The following SLC35D4 variants were observed in gnomAD, a reference collection of about 807,000 sequenced individuals.
The protein encoded by SLC35D4 is UDP-N-acetylglucosamine transporter SLC35D4.
chr18:23,305,516 T>C, the SLC35D4 span, among the ~76,000 whole-genome samples: 1 of 152,210 alleles, frequency 6.6e-6, no homozygotes, highest in African/African-American at 2.4e-5. Context: ...ATCTTTAAAA[T>C]ATGGATGACT....
chr18:23,373,066 C>A, the SLC35D4 span, among the ~76,000 whole-genome samples: 1 of 152,160 alleles, frequency 6.6e-6, no homozygotes, highest in African/African-American at 2.4e-5. Flanking sequence ...GTAATACCAG[C>A]ACCTTGGGAG....
At chr18:23,374,976 G>A in the SLC35D4 span, among the ~76,000 whole-genome samples, 7 of 151,886 alleles carry the variant, frequency 4.6e-5, no homozygotes, top group Non-Finnish European at 8.8e-5. Context: ...TTAGCCAGGC[G>A]TGGTGGCACA....
the SLC35D4 span, among the ~76,000 whole-genome samples, chr18:23,309,201 C>A: frequency 6.8e-6 from 1 of 146,378 alleles, no homozygotes; most frequent in Admixed American, 6.9e-5. Context: ...ATCTGAGGAT[C>A]TGGAACCTGT....
At chr18:23,266,730 C>T in the SLC35D4 span, among the ~76,000 whole-genome samples, 3 of 152,256 alleles carry the variant, frequency 2.0e-5, no homozygotes, top group African/African-American at 7.2e-5. Context: ...TTATGAGGCC[C>T]CTGTGGCCTT....
At chr18:23,250,173 T>C in the SLC35D4 span, among the ~76,000 whole-genome samples, 2 of 152,214 alleles carry the variant, frequency 1.3e-5, no homozygotes, top group African/African-American at 2.4e-5. Context: ...AAAATCCACA[T>C]GATCGTTAAG....
chr18:23,345,515 T>C, the SLC35D4 span, among the ~76,000 whole-genome samples: 23 of 149,260 alleles, frequency 1.5e-4, no homozygotes, highest in Non-Finnish European at 2.8e-4. Flanking sequence ...AAAAAAATTC[T>C]TTCCTCATTG....
the SLC35D4 span, among the ~76,000 whole-genome samples, chr18:23,275,017 G>GCTTGTGTGAGTGTGCGTATGCA: frequency 0.014 from 175 of 12,540 alleles, no homozygotes; most frequent in African/African-American, 0.11. Context: ...GTATGTGTGT[G>GCTTGTGTGAGTGTGCGTATGCA]CTTGTGTGTC....
chr18:23,437,950 C>G, the SLC35D4 span: 21 of 1,369,612 alleles, frequency 1.5e-5, no homozygotes, highest in African/African-American at 1.0e-4. Flanking sequence ...GCGGCAGCAG[C>G]CGCCCAGAGA....
the SLC35D4 span, among the ~76,000 whole-genome samples, chr18:23,289,869 T>C: frequency 3.3e-5 from 5 of 151,948 alleles, no homozygotes; most frequent in Admixed American, 2.6e-4. Context: ...CACTCCTGCC[T>C]GCCAGAGAAC....
the SLC35D4 span, chr18:23,309,884 C>T: frequency 2.5e-6 from 2 of 799,094 alleles, no homozygotes; most frequent in Admixed American, 4.0e-5. Context: ...GTGTCCTTTT[C>T]CCCACACGCT....
the SLC35D4 span, chr18:23,376,984 G>A: frequency 2.2e-6 from 1 of 456,014 alleles, no homozygotes; most frequent in Non-Finnish European, 4.4e-6. Flanking sequence ...TTGGATGAAA[G>A]CCCAGAAATA....
the SLC35D4 span, among the ~76,000 whole-genome samples, chr18:23,426,723 A>G: frequency 6.6e-6 from 1 of 152,186 alleles, no homozygotes; most frequent in Non-Finnish European, 1.5e-5. Context: ...AATCCTAAGC[A>G]AAAAGAACAA....
At chr18:23,325,835 C>T in the SLC35D4 span, among the ~76,000 whole-genome samples, 5 of 152,300 alleles carry the variant, frequency 3.3e-5, 1 homozygote, top group South Asian at 1.0e-3. Context: ...AGGGCCCCCC[C>T]ACCCCGTGTG....
At chr18:23,413,654 G>A in the SLC35D4 span, among the ~76,000 whole-genome samples, 2 of 152,190 alleles carry the variant, frequency 1.3e-5, no homozygotes, top group Admixed American at 6.5e-5. Context: ...GCCAGGCATG[G>A]TGGCTCACAC....
the SLC35D4 span, among the ~76,000 whole-genome samples, chr18:23,369,755 C>T: frequency 3.3e-5 from 5 of 152,134 alleles, no homozygotes; most frequent in Admixed American, 6.5e-5. Flanking sequence ...AGAAGAGGGC[C>T]GGCTTCAAGG....
At chr18:23,306,498 G>T in the SLC35D4 span, among the ~76,000 whole-genome samples, 1 of 152,078 alleles carries the variant, frequency 6.6e-6, no homozygotes, top group African/African-American at 2.4e-5. Flanking sequence ...TAGAGACAGG[G>T]TTTCTCCATG....
the SLC35D4 span, among the ~76,000 whole-genome samples, chr18:23,382,344 A>C: frequency 6.6e-6 from 1 of 151,816 alleles, no homozygotes; most frequent in East Asian, 1.9e-4. Context: ...CTCTCAGGGA[A>C]GTTCTGCTCC....
At chr18:23,274,905 G>A in the SLC35D4 span, among the ~76,000 whole-genome samples, 1 of 152,186 alleles carries the variant, frequency 6.6e-6, no homozygotes, top group Non-Finnish European at 1.5e-5. Context: ...GTGTGAATGC[G>A]GGAGTGTGTG....
At chr18:23,407,478 A>G in the SLC35D4 span, among the ~76,000 whole-genome samples, 1 of 152,194 alleles carries the variant, frequency 6.6e-6, no homozygotes, top group Non-Finnish European at 1.5e-5. Context: ...TAGTATCCTT[A>G]ATGTACGATA....
Sources: gnomAD v4.1 joint callset for allele counts (sites outside exome capture counted in the v4.1 genomes callset) on GRCh38, gnomAD v4.1.1 for gene constraint, MANE v1.5 for transcripts, NCBI Gene and HGNC (gene_info 2026-07-23, HGNC 2026-07-21) for gene names.